FLYWCH1: variants seen among roughly 807,000 people sequenced by gnomAD.
The protein encoded by FLYWCH1 is FLYWCH-type zinc finger 1.
In FLYWCH1, 75 loss-of-function variants were observed where a neutral mutation model predicts 66.4. The observed-to-expected ratio is 1.13, with a 90% CI of 0.94 to 1.37. The LOEUF (loss-of-function observed/expected upper bound fraction) is 1.37. Ranked by LOEUF, FLYWCH1 falls within the 40% of genes most tolerant of loss-of-function variation. The pLI is 0.00. For synonymous variants in FLYWCH1, 595 were observed against 429.9 expected (o/e 1.38, Z -4.75); for missense variants, 1,334 against 1,001.8 (o/e 1.33, Z -4.48).
intron 6 of FLYWCH1, chr16:2,936,444 A>ACCCCCCCCCCCCCC: frequency 2.3e-6 from 1 of 443,826 alleles, no homozygotes; most frequent in Non-Finnish European, 4.5e-6. Context: ...ACAGCCAGAC[A>ACCCCCCCCCCCCCC]CCCTCCCGCC....
intron 4 of FLYWCH1, among the ~76,000 whole-genome samples, chr16:2,932,028 G>A (rs2150955091): frequency 6.6e-6 from 1 of 150,952 alleles, no homozygotes. Context: ...TGAGGCAGGA[G>A]AATGGCGTGA....
chr16:2,924,186 C>G (rs974353966), intron 2 of FLYWCH1, among the ~76,000 whole-genome samples: 3 of 151,980 alleles, frequency 2.0e-5, no homozygotes, highest in Non-Finnish European at 2.9e-5. Context: ...AAAAATTAGC[C>G]GGGCGTGGTG....
intron 9 of FLYWCH1, among the ~76,000 whole-genome samples, chr16:2,943,994 G>A (rs1423798887): frequency 6.6e-6 from 1 of 152,130 alleles, no homozygotes; most frequent in African/African-American, 2.4e-5. Context: ...TACTTCGGAG[G>A]CTGAGATGGA....
In FLYWCH1 at chr16:2,930,782, G is replaced by A. The variant is rs1187423812; in HGVS notation, c.698G>A (p.Gly233Glu). The change falls in exon 4 of 10, where the codon GGG becomes GAG. Residue 233 changes from glycine (G) to glutamate (E), a missense_variant. Transcript: ENST00000253928. ...QCPEEPEPTP[G>E]LVLSKPALEE... is the part of the protein sequence containing the mutation. ...CCTGAGGAGCCCGAGCCCACTCCTG[G>A]GCTGGTGCTGAGCAAGCCGGCCCTG... 1.9e-6 allele frequency: 3 copies of A among 1,590,404 alleles called. No homozygotes were observed. Among genetic ancestry groups the A allele is most frequent in the Admixed American group, 3.5e-5 (2 of 57,756 alleles).
intron 4 of FLYWCH1, among the ~76,000 whole-genome samples, chr16:2,932,614 C>T (rs935152369): frequency 1.1e-4 from 17 of 152,114 alleles, no homozygotes; most frequent in Non-Finnish European, 2.1e-4. Flanking sequence ...AAGGGAGGTG[C>T]AGGGAACAGG....
chr16:2,932,914 C>G (rs189703978), intron 4 of FLYWCH1, among the ~76,000 whole-genome samples: 1 of 151,154 alleles, frequency 6.6e-6, no homozygotes, highest in Non-Finnish European at 1.5e-5. Context: ...CCTCACTGAC[C>G]GCTAGGAGAG....
intron 4 of FLYWCH1, among the ~76,000 whole-genome samples, chr16:2,932,575 T>A (rs1335254023): frequency 6.6e-6 from 1 of 152,076 alleles, no homozygotes; most frequent in Non-Finnish European, 1.5e-5. Context: ...GGATCTGAGG[T>A]GGCCCCTGCC....
chr16:2,929,169 G>C (rs57596079), intron 2 of FLYWCH1, among the ~76,000 whole-genome samples: 1 of 152,200 alleles, frequency 6.6e-6, no homozygotes. Flanking sequence ...GCAGAAACGG[G>C]TCTCAGCTTC....
In FLYWCH1 at chr16:2,930,403, C is replaced by A; in HGVS notation, c.326-7C>A. On this transcript the variant is annotated splice_polypyrimidine_tract_variant and splice_region_variant and intron_variant, in intron 3 of 9. Coordinates refer to ENST00000253928, the MANE Select transcript of FLYWCH1 (RefSeq NM_001308068.2). ...GCTTAGCTAACCTAGCCTTCCCGTT[C>A]CCCCAGCAGCCCCTCAGTCCCTGGA... The A allele has an allele frequency of 7.0e-7, 1 of 1,437,942 alleles. No homozygotes were observed. Among genetic ancestry groups the A allele is most frequent in the Non-Finnish European group, 9.2e-7 (1 of 1,090,570 alleles). 89.1% of individuals were successfully genotyped at this position (1,437,942 alleles called of 1,614,324 possible).
chr16:2,929,541 C>A, intron 2 of FLYWCH1, 72 bp from the exon 3 acceptor site: 2 of 1,110,018 alleles, frequency 1.8e-6, no homozygotes, highest in East Asian at 5.2e-5. Flanking sequence ...TCTGCCCCAC[C>A]TCCCTCCCAG....
chr16:2,929,444 T>C (rs1323595203), intron 2 of FLYWCH1, among the ~76,000 whole-genome samples, 169 bp from the exon 3 acceptor site: 1 of 152,106 alleles, frequency 6.6e-6, no homozygotes, highest in Non-Finnish European at 1.5e-5. Context: ...TACCTAAGGC[T>C]GCCAGGAGAG....
At chr16:2,915,684 G>C (rs2070144509) in intron 2 of FLYWCH1, among the ~76,000 whole-genome samples, 1 of 151,906 alleles carries the variant, frequency 6.6e-6, no homozygotes, top group African/African-American at 2.4e-5. Flanking sequence ...AAGGTGGGCG[G>C]ATCACGGGAG....
chr16:2,931,515 C>T (rs991384689), intron 4 of FLYWCH1, among the ~76,000 whole-genome samples: 3 of 151,338 alleles, frequency 2.0e-5, no homozygotes, highest in Non-Finnish European at 4.4e-5. Context: ...ACTTGGGAGA[C>T]TGAGGTGGGA....
At position 2,935,914 on chromosome 16, in the gene FLYWCH1, C is replaced by CTT. The variant is rs531179302; in HGVS notation, c.1514-1194_1514-1193dup. 66 of 143,560 alleles carry CTT rather than the reference C, an allele frequency of 4.6e-4. 2 individuals carry two copies. Among genetic ancestry groups the CTT allele is most frequent in the South Asian group, 3.1e-3 (14 of 4,546 alleles). The allele number at this position is 143,560 out of a possible 1,614,324, so 8.9% of individuals were successfully genotyped here. A position where few individuals can be genotyped will look rare whatever the true frequency, so the allele number is the denominator to read the frequency against. ...TGTTGATCCTCCCAGATGAGGGCGT[C>CTT]TTTTTTTTTTTTTTGAGACAGTTTC... On this transcript the variant is annotated intron_variant, in intron 6 of 9. Coordinates refer to ENST00000253928, the MANE Select transcript of FLYWCH1 (RefSeq NM_001308068.2).
Position 2,933,954 on chromosome 16 carries a change from C to T in FLYWCH1, c.1488C>T (p.Pro496=). The change falls in exon 6 of 10, where the codon CCC becomes CCT. Residue 496 remains proline, a synonymous_variant. Coordinates refer to ENST00000253928, the MANE Select transcript of FLYWCH1 (RefSeq NM_001308068.2). ...LEALRQREKR[P]NTAQRGSPGG... ...CCCTGAGGCAGCGGGAGAAACGCCC[C>T]AACACGGCGCAGCGGGGGAGCCCAG... 3 of 1,552,940 alleles carry T rather than the reference C, an allele frequency of 1.9e-6. No homozygotes were observed. Among genetic ancestry groups the T allele is most frequent in the Non-Finnish European group, 2.6e-6 (3 of 1,148,564 alleles).
chr16:2,934,877 T>C (rs2070932974), intron 6 of FLYWCH1: 2 of 257,034 alleles, frequency 7.8e-6, no homozygotes, highest in Non-Finnish European at 1.5e-5. Flanking sequence ...TAATTGGTTT[T>C]TCCATTTCCT....
chr16:2,928,030 A>G (rs2070633551), intron 2 of FLYWCH1, among the ~76,000 whole-genome samples: 1 of 152,204 alleles, frequency 6.6e-6, no homozygotes, highest in South Asian at 2.1e-4. Flanking sequence ...GAAGAAGTTC[A>G]AGGAAAGGTA....
chr16:2,929,758 G>A lies in FLYWCH1; in HGVS notation c.73G>A (p.Gly25Ser), dbSNP rs747760720. The stretch of plus-strand genomic sequence containing the variant: ...CGGCCAGGAGCCATCCCCCAAGCCA[G>A]GCACGGACGTCATCCCGGCAGCCCC... ...KAGQEPSPKP[G>S]TDVIPAAPRK... The change falls in exon 3 of 10, where the codon GGC becomes AGC. Residue 25 changes from glycine to serine, a missense_variant. Transcript: ENST00000253928. The A allele has an allele frequency of 5.6e-6, 9 of 1,613,898 alleles. No homozygotes were observed.
intron 2 of FLYWCH1, among the ~76,000 whole-genome samples, chr16:2,925,465 C>T (rs2070525909): frequency 1.3e-5 from 2 of 151,784 alleles, no homozygotes; most frequent in Non-Finnish European, 2.9e-5. Context: ...CTCAGTCCCA[C>T]TCATCCCCAT....
Sources: gnomAD v4.1 joint callset for allele counts (sites outside exome capture counted in the v4.1 genomes callset) on GRCh38, gnomAD v4.1.1 for gene constraint, MANE v1.5 for transcripts, NCBI Gene and HGNC (gene_info 2026-07-23, HGNC 2026-07-21) for gene names.